The following FMNL2 variants were observed in gnomAD, a reference collection of about 807,000 sequenced individuals.
FMNL2 encodes formin like 2.
Under a neutral mutation model 130.2 loss-of-function variants are expected in FMNL2, and 51 were observed. The observed-to-expected ratio is 0.39, with a 90% CI of 0.31 to 0.49. FMNL2 has a LOEUF of 0.49. Among genes scored for constraint, FMNL2 ranks in the 20% least tolerant of loss-of-function variants. The probability of loss-of-function intolerance (pLI) is 0.85; values close to 1 mark genes in which losing one functional copy is unlikely to be tolerated. For synonymous variants in FMNL2, 465 were observed against 467.1 expected (o/e 1.00, Z 0.06); for missense variants, 977 against 1,316.2 (o/e 0.74, Z 3.99).
At chr2:152,338,093 A>G (rs1681584636) in intron 1 of FMNL2, among the ~76,000 whole-genome samples, 3 of 151,958 alleles carry the variant, frequency 2.0e-5, no homozygotes, top group African/African-American at 7.3e-5. Context: ...TGCTTAAGAA[A>G]TCAGTTCAAA....
At chr2:152,508,353 TAATC>T (rs1282699401) in intron 1 of FMNL2, among the ~76,000 whole-genome samples, 2 of 152,204 alleles carry the variant, frequency 1.3e-5, no homozygotes, top group South Asian at 4.1e-4. Flanking sequence ...TAAAACCTAA[TAATC>T]AAACAGGGAT....
intron 9 of FMNL2, among the ~76,000 whole-genome samples, chr2:152,599,200 C>T (rs888195719): frequency 1.3e-5 from 2 of 152,204 alleles, no homozygotes; most frequent in African/African-American, 4.8e-5. Flanking sequence ...TTGGACATCA[C>T]TTCACCGTCT....
intron 15 of FMNL2, 186 bp from the exon 16 acceptor site, chr2:152,625,252 G>T: frequency 1.8e-6 from 1 of 543,080 alleles, no homozygotes; most frequent in Non-Finnish European, 3.1e-6. Context: ...TCAACCAAAT[G>T]ATGACCTCAA....
At chr2:152,646,480 C>T (rs960762043) in intron 25 of FMNL2, among the ~76,000 whole-genome samples, 7 of 152,102 alleles carry the variant, frequency 4.6e-5, no homozygotes, top group Non-Finnish European at 1.0e-4. Context: ...TGTGTAGGAA[C>T]TGGGGCCCGG....
chr2:152,510,790 A>C (rs1289091728), intron 1 of FMNL2, among the ~76,000 whole-genome samples: 4 of 152,162 alleles, frequency 2.6e-5, no homozygotes, highest in Non-Finnish European at 5.9e-5. Context: ...CTGCCACGCA[A>C]GACTTTCCAG....
intron 9 of FMNL2, among the ~76,000 whole-genome samples, chr2:152,590,639 A>G (rs1021237195): frequency 2.0e-5 from 3 of 152,112 alleles, no homozygotes; most frequent in Non-Finnish European, 2.9e-5. Context: ...TGTAGGTTCA[A>G]CTATAGCTGT....
At chr2:152,460,246 A>G (rs147761286) in intron 1 of FMNL2, among the ~76,000 whole-genome samples, 377 of 152,332 alleles carry the variant, frequency 2.5e-3, no homozygotes, top group African/African-American at 8.5e-3. Context: ...AGCATGTTCT[A>G]TCCATGTAGA....
intron 1 of FMNL2, among the ~76,000 whole-genome samples, chr2:152,339,958 A>G (rs558303100): frequency 7.9e-5 from 12 of 152,110 alleles, no homozygotes; most frequent in Non-Finnish European, 1.5e-4. Context: ...AGGTGAGAGG[A>G]TCACTTGAGC....
At chr2:152,372,069 G>A (rs1683916504) in intron 1 of FMNL2, among the ~76,000 whole-genome samples, 3 of 152,184 alleles carry the variant, frequency 2.0e-5, no homozygotes, top group African/African-American at 7.2e-5. Flanking sequence ...GCTTCTTTAA[G>A]CTCACATGTC....
intron 20 of FMNL2, among the ~76,000 whole-genome samples, chr2:152,630,469 G>A (rs1217203774): frequency 6.6e-6 from 1 of 152,144 alleles, no homozygotes; most frequent in Non-Finnish European, 1.5e-5. Context: ...TTTTGTTGTT[G>A]TTGTTGCATG....
chr2:152,480,966 C>T (rs1366245854), intron 1 of FMNL2, among the ~76,000 whole-genome samples: 1 of 152,120 alleles, frequency 6.6e-6, no homozygotes, highest in Non-Finnish European at 1.5e-5. Context: ...ATTTCAGAGT[C>T]TCTCTCTACA....
chr2:152,587,677 C>T (rs1381064643), intron 9 of FMNL2, among the ~76,000 whole-genome samples: 1 of 152,116 alleles, frequency 6.6e-6, no homozygotes, highest in African/African-American at 2.4e-5. Flanking sequence ...TATTTCTTTA[C>T]CATTAGTGTC....
chr2:152,636,000 A>C (rs1436308943), intron 21 of FMNL2, among the ~76,000 whole-genome samples: 1 of 152,144 alleles, frequency 6.6e-6, no homozygotes, highest in Non-Finnish European at 1.5e-5. Context: ...TCTCTAAAAC[A>C]CACAAAACCT....
chr2:152,453,914 C>T (rs1308850044), intron 1 of FMNL2, among the ~76,000 whole-genome samples: 1 of 152,124 alleles, frequency 6.6e-6, no homozygotes, highest in Non-Finnish European at 1.5e-5. Context: ...ATGAAAAACA[C>T]TTTAGAAAGC....
At chr2:152,515,785 T>C (rs950450789) in intron 1 of FMNL2, among the ~76,000 whole-genome samples, 1 of 152,210 alleles carries the variant, frequency 6.6e-6, no homozygotes, top group African/African-American at 2.4e-5. Flanking sequence ...GGATAATGCA[T>C]GCAAAGAGCC....
chr2:152,512,177 A>C (rs188483143), intron 1 of FMNL2, among the ~76,000 whole-genome samples: 2 of 152,180 alleles, frequency 1.3e-5, no homozygotes, highest in African/African-American at 4.8e-5. Flanking sequence ...AGCTCCTGGC[A>C]CAGCAGTTAG....
intron 1 of FMNL2, among the ~76,000 whole-genome samples, chr2:152,433,592 C>G (rs1389966495): frequency 6.6e-6 from 1 of 152,150 alleles, no homozygotes; most frequent in Non-Finnish European, 1.5e-5. Flanking sequence ...TGTAAAGTTG[C>G]ATGCCCCTGG....
chr2:152,619,803 A>G, intron 15 of FMNL2, 85 bp downstream of exon 15: 1 of 1,531,224 alleles, frequency 6.5e-7, no homozygotes, highest in Non-Finnish European at 8.8e-7. Context: ...TTCAAAGTCC[A>G]GGTCTCTTGC....
Position 152,629,689 on chromosome 2 carries a change from A to C in FMNL2, c.2434A>C (p.Ile812Leu). Residue 812 changes from isoleucine (I) to leucine (L), a missense_variant, in exon 19 of 26, where the codon ATA (isoleucine) becomes CTA (leucine). Physicochemically the swap from Ile to Leu is conservative, Grantham distance 5. Coordinates refer to ENST00000288670, the MANE Select transcript of FMNL2 (RefSeq NM_052905.4). ...TGCGATTATAGCAGCATCTGTCTCTATAAAGTCGTCCCAAAAACTCAAGAA... is the reference window on the plus strand; with the variant it reads ...TGCGATTATAGCAGCATCTGTCTCTCTAAAGTCGTCCCAAAAACTCAAGAA... ...LHAIIAASVS[I>L]KSSQKLKKIL... 2 of 1,603,378 alleles carry C rather than the reference A, an allele frequency of 1.2e-6. No individual in the cohort carries two copies. The highest frequency in any genetic ancestry group is 2.2e-5 in the South Asian group (2 of 89,182).
Sources: allele counts gnomAD v4.1 joint callset (sites outside exome capture counted in the v4.1 genomes callset), GRCh38; gene constraint gnomAD v4.1.1; transcripts MANE v1.5; gene names NCBI Gene and HGNC (gene_info 2026-07-23, HGNC 2026-07-21).